Variants in ZBTB43 observed in about 807,000 individuals in gnomAD.
ZBTB43 encodes the protein zinc finger and BTB domain containing 43.
In ZBTB43, 6 loss-of-function variants were observed where a neutral mutation model predicts 31.1. The observed-to-expected ratio is 0.19, with a 90% CI of 0.11 to 0.38. The LOEUF (loss-of-function observed/expected upper bound fraction) is 0.38. Ranked by LOEUF, ZBTB43 falls within the 10% of genes least tolerant of loss-of-function variation. ZBTB43 has a pLI of 1.00. For missense variants in ZBTB43, 379 were observed against 602.1 expected (o/e 0.63, Z 3.88); for synonymous variants, 212 against 221.7 (o/e 0.96, Z 0.39).
chr9:126,820,837 A>C (rs1270664979), intron 2 of ZBTB43, among the ~76,000 whole-genome samples: 2 of 151,802 alleles, frequency 1.3e-5, no homozygotes, highest in African/African-American at 4.8e-5. Context: ...GCGTGGTGTC[A>C]TGCACTTGTA....
chr9:126,815,653 T>G (rs958905844), intron 2 of ZBTB43, among the ~76,000 whole-genome samples: 6 of 102,210 alleles, frequency 5.9e-5, no homozygotes, highest in Non-Finnish European at 1.0e-4. Flanking sequence ...TCTCTCTCTC[T>G]CTCTCTTTTT....
Position 126,814,358 on chromosome 9 carries a change from A to ATGAAATTTACAAAGTAAATTTACAT in ZBTB43, c.-24+5454_-24+5478dup, listed in dbSNP as rs1023780119. Among the ~76,000 whole-genome samples the ATGAAATTTACAAAGTAAATTTACAT allele has an allele frequency of 3.4e-3, 431 of 127,964 alleles. 5 individuals are homozygous for ATGAAATTTACAAAGTAAATTTACAT. The highest frequency in any genetic ancestry group is 0.012 in the African/African-American group (404 of 34,814). The allele number at this position is 127,964 out of a possible 152,430, so 83.9% of individuals were successfully genotyped here. On this transcript the variant is annotated intron_variant, in intron 2 of 2. Transcript: ENST00000373464. ...TTTTACATCTGTAAAAATTTTACAGATGAAATTTACAAAGTAAATTTACAT... is the reference window on the plus strand; with the variant it reads ...TTTTACATCTGTAAAAATTTTACAGATGAAATTTACAAAGTAAATTTACATTGAAATTTACAAAGTAAATTTACAT...
At position 126,825,842 on chromosome 9, in the gene ZBTB43, A is replaced by ATT. The variant is rs72512629; in HGVS notation, c.-23-6625_-23-6624dup. Among the ~76,000 whole-genome samples, 384 of 91,178 alleles carry ATT rather than the reference A, an allele frequency of 4.2e-3. 11 individuals carry two copies. The highest frequency in any genetic ancestry group is 0.012 in the African/African-American group (327 of 26,230). 59.8% of individuals were successfully genotyped at this position (91,178 alleles called of 152,430 possible). On this transcript the variant is annotated intron_variant, in intron 2 of 2. Transcript: ENST00000373464. Reference sequence around the variant, plus strand: ...CTTTTTCCATTTGGTTCCTTTTTATATTTTTTTTTTTTTTTTTTTTTGAGA... The same window carrying ATT: ...CTTTTTCCATTTGGTTCCTTTTTATATTTTTTTTTTTTTTTTTTTTTTTGAGA...
chr9:126,814,327 TGTAAATTTTA>T (rs2032323149), intron 2 of ZBTB43, among the ~76,000 whole-genome samples: 4 of 148,454 alleles, frequency 2.7e-5, no homozygotes, highest in Admixed American at 6.6e-5. Context: ...ATCTGTAAAA[TGTAAATTTTA>T]CATCTGTAAA....
chr9:126,817,210 C>G (rs2032407203), intron 2 of ZBTB43, among the ~76,000 whole-genome samples: 1 of 138,600 alleles, frequency 7.2e-6, no homozygotes, highest in African/African-American at 2.7e-5. Context: ...CTCCCCTGTT[C>G]AAGAGATTTC....
chr9:126,833,567 TG>T lies in ZBTB43; in HGVS notation c.1060del (p.Val354Ter). ...GCAGGTTACAGTGAGAATATTGAAA[TG>T]GTAACAGGGATTAAAGAAGAAGCTT... The part of the protein sequence containing the change: ...LAAGYSENIE[M>X]VTGIKEEASH... On this transcript the variant is annotated frameshift_variant, in exon 3 of 3. Transcript: ENST00000373464. LOFTEE classifies it high-confidence loss of function. This position sits in a 1 kb window ranked among gnomAD's most constrained non-coding sequence, Gnocchi z 7.9. 1.2e-6 allele frequency: 2 copies of T among 1,613,926 alleles called. No individual in the cohort carries two copies. Among genetic ancestry groups the T allele is most frequent in the Non-Finnish European group, 1.7e-6 (2 of 1,179,942 alleles).
chr9:126,825,538 G>C (rs566479834), intron 2 of ZBTB43, among the ~76,000 whole-genome samples: 1 of 152,266 alleles, frequency 6.6e-6, no homozygotes, highest in African/African-American at 2.4e-5. Context: ...CTTGCAGACA[G>C]CCTCCTTCTC....
intron 2 of ZBTB43, among the ~76,000 whole-genome samples, chr9:126,810,809 A>G (rs1235695818): frequency 1.3e-5 from 2 of 151,688 alleles, no homozygotes; most frequent in Non-Finnish European, 2.9e-5. Context: ...GGCTTGGGCC[A>G]TCTTAAGTCT....
chr9:126,813,618 T>G (rs1457858615), intron 2 of ZBTB43, among the ~76,000 whole-genome samples: 1 of 152,172 alleles, frequency 6.6e-6, no homozygotes, highest in Non-Finnish European at 1.5e-5. Flanking sequence ...GCCGTTAGTG[T>G]GATTGGACCA....
At chr9:126,804,318 TTTCA>T (rs1303976813), upstream of ZBTB43, among the ~76,000 whole-genome samples, 7 of 152,162 alleles carry the variant, frequency 4.6e-5, no homozygotes, top group Admixed American at 1.3e-4. Flanking sequence ...GCACTGGTCC[TTTCA>T]TTGACCATTT....
intron 2 of ZBTB43, among the ~76,000 whole-genome samples, chr9:126,830,728 C>T (rs534621582): frequency 1.3e-5 from 2 of 149,358 alleles, no homozygotes; most frequent in South Asian, 2.1e-4. Context: ...AGTAATAAAT[C>T]GTTTGGGTGG....
At chr9:126,807,367 C>T (rs969799384) in intron 1 of ZBTB43, among the ~76,000 whole-genome samples, 1 of 152,170 alleles carries the variant, frequency 6.6e-6, no homozygotes, top group Non-Finnish European at 1.5e-5. Flanking sequence ...GTTCGTTAAA[C>T]TTAACATTCC....
intron 2 of ZBTB43, among the ~76,000 whole-genome samples, chr9:126,822,478 C>T (rs548234653): frequency 6.6e-6 from 1 of 152,250 alleles, no homozygotes; most frequent in African/African-American, 2.4e-5. Context: ...CACGGTGGCT[C>T]ATGCTTATAG....
chr9:126,821,458 T>C (rs1451701117), intron 2 of ZBTB43, among the ~76,000 whole-genome samples: 1 of 152,188 alleles, frequency 6.6e-6, no homozygotes, highest in African/African-American at 2.4e-5. Flanking sequence ...ACATTCGTGA[T>C]TGGTGGGAGG....
chr9:126,827,939 C>T (rs994810263), intron 2 of ZBTB43, among the ~76,000 whole-genome samples: 1 of 151,998 alleles, frequency 6.6e-6, no homozygotes, highest in Non-Finnish European at 1.5e-5. Context: ...ATCGCTTGAA[C>T]CCAGGAGGCA....
In ZBTB43 at chr9:126,837,171, A is replaced by G. The variant is rs1456104381; in HGVS notation, c.*3258A>G. The G allele has an allele frequency of 2.4e-5, 4 of 166,912 alleles. No individual in the cohort carries two copies. In the Admixed American group the frequency reaches 2.6e-4, roughly 11 times the overall value. The allele number at this position is 166,912 out of a possible 1,614,324, so 10.3% of individuals were successfully genotyped here. On this transcript the variant is annotated 3_prime_UTR_variant, in exon 3 of 3. Coordinates refer to ENST00000373464, the MANE Select transcript of ZBTB43 (RefSeq NM_014007.4). ...TTAGATACACACGTTACAGTAATCCACGTGGTGAAGTGCATGTCACCGTTA... is the reference window on the plus strand; with the variant it reads ...TTAGATACACACGTTACAGTAATCCGCGTGGTGAAGTGCATGTCACCGTTA...
chr9:126,832,335 A>G (rs987315517), intron 2 of ZBTB43, 152 bp from the exon 3 acceptor site: 7 of 706,214 alleles, frequency 9.9e-6, no homozygotes, highest in Admixed American at 6.0e-5. Context: ...CGCACCTGCA[A>G]GCTTTGCTCT....
chr9:126,804,576 A>T (rs1193649032), upstream of ZBTB43, among the ~76,000 whole-genome samples: 2 of 152,076 alleles, frequency 1.3e-5, no homozygotes, highest in Non-Finnish European at 2.9e-5. Flanking sequence ...CCTCTGCCTC[A>T]CGGGTTCAGG....
Position 126,832,745 on chromosome 9 carries a change from G to T in ZBTB43, c.236G>T (p.Arg79Ile), listed in dbSNP as rs778532844. 10 of 1,614,046 alleles carry T rather than the reference G, an allele frequency of 6.2e-6. No individual in the cohort carries two copies. The African/African-American group carries it at 9.3e-5, about 15-fold the overall frequency. Residue 79 changes from arginine to isoleucine, a missense_variant, in exon 3 of 3, where the codon AGA (arginine) becomes ATA (isoleucine). Coordinates refer to ENST00000373464, the MANE Select transcript of ZBTB43 (RefSeq NM_014007.4). ...RIVLPDVMNP[R>I]VFENILLSSY... is the part of the protein sequence containing the mutation. Reference sequence around the variant, plus strand: ...GTTTTGCCTGATGTGATGAACCCAAGAGTGTTTGAGAACATTCTCCTATCT... The same window carrying T: ...GTTTTGCCTGATGTGATGAACCCAATAGTGTTTGAGAACATTCTCCTATCT...
Sources: allele counts gnomAD v4.1 joint callset (sites outside exome capture counted in the v4.1 genomes callset), GRCh38; gene constraint gnomAD v4.1.1; non-coding constraint Gnocchi (gnomAD v3.1); transcripts MANE v1.5; gene names NCBI Gene and HGNC (gene_info 2026-07-23, HGNC 2026-07-21).